The following ANO3 variants were observed in gnomAD, a reference collection of about 807,000 sequenced individuals.
The protein encoded by ANO3 is anoctamin 3.
In ANO3, 99 loss-of-function variants were observed where a neutral mutation model predicts 144.8. The observed-to-expected ratio is 0.68, with a 90% CI of 0.58 to 0.81. The LOEUF (loss-of-function observed/expected upper bound fraction) is 0.81. Ranked by LOEUF, ANO3 falls within the 30% of genes least tolerant of loss-of-function variation. ANO3 has a pLI of 0.00. For synonymous variants in ANO3, 414 were observed against 392.6 expected (o/e 1.05, Z -0.64); for missense variants, 905 against 1,202.2 (o/e 0.75, Z 3.66).
At chr11:26,305,168 A>AG (rs1171384432), upstream of ANO3, among the ~76,000 whole-genome samples, 1 of 152,116 alleles carries the variant, frequency 6.6e-6, no homozygotes, top group Non-Finnish European at 1.5e-5. Flanking sequence ...AAAAAAAAAA[A>AG]AAAAGTAATA....
At chr11:26,408,041 T>C (rs1857334133) in intron 1 of ANO3, among the ~76,000 whole-genome samples, 1 of 152,036 alleles carries the variant, frequency 6.6e-6, no homozygotes, top group South Asian at 2.1e-4. Flanking sequence ...ACCTAGGCAG[T>C]ACCATTCAGG....
chr11:26,602,143 T>A (rs1851815235), intron 17 of ANO3, among the ~76,000 whole-genome samples: 2 of 152,176 alleles, frequency 1.3e-5, no homozygotes, highest in African/African-American at 4.8e-5. Context: ...AGGAGATTGT[T>A]GTTTGAAGAA....
intron 1 of ANO3, among the ~76,000 whole-genome samples, chr11:26,428,197 G>A (rs1857975392): frequency 6.6e-6 from 1 of 152,164 alleles, no homozygotes; most frequent in South Asian, 2.1e-4. Context: ...ATTCATAACT[G>A]GAGGCCCTGA....
intron 18 of ANO3, among the ~76,000 whole-genome samples, chr11:26,629,507 G>A (rs1852702430): frequency 6.6e-6 from 1 of 152,078 alleles, no homozygotes. Context: ...ACAAAGTTTG[G>A]CATGCGTTCA....
At chr11:26,407,078 A>G (rs61877744) in intron 1 of ANO3, among the ~76,000 whole-genome samples, 6,754 of 110,238 alleles carry the variant, frequency 0.061, 494 homozygotes, top group African/African-American at 0.21. Context: ...GTGTGTGTGT[A>G]TATATATATA....
intron 1 of ANO3, among the ~76,000 whole-genome samples, chr11:26,260,930 T>A (rs1446514474): frequency 1.3e-5 from 2 of 152,170 alleles, no homozygotes; most frequent in African/African-American, 4.8e-5. Context: ...AGAAACTTAC[T>A]GAGGCACACG....
chr11:26,199,962 G>C (rs182438226), intron 1 of ANO3, among the ~76,000 whole-genome samples: 1 of 152,288 alleles, frequency 6.6e-6, no homozygotes, highest in Admixed American at 6.5e-5. Flanking sequence ...ATTTAGAAGG[G>C]AGCCTAAGTT....
In ANO3 at chr11:26,443,823, C is replaced by T. The variant is rs373465060; in HGVS notation, c.300C>T (p.Ser100=). The T allele has an allele frequency of 6.2e-6, 10 of 1,611,246 alleles. No homozygotes were observed. Among genetic ancestry groups the T allele is most frequent in the South Asian group, 4.4e-5 (4 of 90,590 alleles). Residue 100 remains serine, a synonymous_variant, in exon 3 of 27, where the codon AGC becomes AGT. Coordinates refer to ENST00000256737, the MANE Select transcript of ANO3 (RefSeq NM_031418.4). ...TGAGATGTTCATTTGCTGACCTCAG[C>T]GATTTTTGTTTGGGTAAGTTGATAA... ...SVLRCSFADL[S]DFCLALGKDK...
At chr11:26,658,624 A>G (rs1427253942) in intron 26 of ANO3, among the ~76,000 whole-genome samples, 2 of 152,090 alleles carry the variant, frequency 1.3e-5, no homozygotes, top group Non-Finnish European at 2.9e-5. Context: ...AAAAAGCTAT[A>G]CTGAATTATT....
intron 3 of ANO3, among the ~76,000 whole-genome samples, chr11:26,446,576 C>G (rs1348125480): frequency 1.3e-5 from 2 of 152,116 alleles, no homozygotes; most frequent in African/African-American, 4.8e-5. Context: ...ACTAAGGCTC[C>G]CTAACAGGAT....
chr11:26,425,801 A>G (rs1170996026), intron 1 of ANO3, among the ~76,000 whole-genome samples: 3 of 152,090 alleles, frequency 2.0e-5, no homozygotes, highest in East Asian at 3.8e-4. Flanking sequence ...TTTATCCACA[A>G]TTGCTATGGT....
intron 13 of ANO3, chr11:26,559,140 TA>T (rs1423250775): frequency 6.6e-6 from 1 of 152,188 alleles, no homozygotes; most frequent in Non-Finnish European, 1.5e-5. Context: ...GATATCTGAT[TA>T]AAAAACACTT....
chr11:26,536,306 T>A (rs402093), intron 9 of ANO3, among the ~76,000 whole-genome samples: 105,751 of 149,574 alleles, frequency 0.71, 37,703 homozygotes, highest in East Asian at 0.84. Flanking sequence ...GTGGCAGAGT[T>A]AGACTCTGTC....
intron 3 of ANO3, among the ~76,000 whole-genome samples, chr11:26,452,513 G>A (rs1444112164): frequency 1.3e-5 from 2 of 152,156 alleles, no homozygotes; most frequent in Admixed American, 6.5e-5. Context: ...AATGAAGCGA[G>A]AAGGGAAGTT....
intron 4 of ANO3, among the ~76,000 whole-genome samples, chr11:26,505,237 A>T (rs1476089097): frequency 3.9e-5 from 6 of 152,146 alleles, no homozygotes; most frequent in Non-Finnish European, 7.3e-5. Flanking sequence ...TAGAAAAAAA[A>T]AGACGATTCA....
rs538146579 is a variant in ANO3 at position 26,553,466 on chromosome 11, G to T, written c.1386+121G>T. The T allele has an allele frequency of 2.0e-5, 11 of 558,464 alleles. No individual in the cohort carries two copies. In the African/African-American group the frequency reaches 2.1e-4, roughly 11 times the overall value. The allele number at this position is 558,464 out of a possible 1,614,324, so 34.6% of individuals were successfully genotyped here. A position where few individuals can be genotyped will look rare whatever the true frequency, so the allele number is the denominator to read the frequency against. Reference sequence around the variant, plus strand: ...TTCTCAAGAGTTTCAACCTTAATAAGTGCCATTGACAACTGAATAAAATGT... The same window carrying T: ...TTCTCAAGAGTTTCAACCTTAATAATTGCCATTGACAACTGAATAAAATGT... On this transcript the variant is annotated intron_variant, in intron 13 of 26. Coordinates refer to ENST00000256737, the MANE Select transcript of ANO3 (RefSeq NM_031418.4).
At chr11:26,414,444 C>T (rs185643403) in intron 1 of ANO3, among the ~76,000 whole-genome samples, 9 of 152,026 alleles carry the variant, frequency 5.9e-5, no homozygotes, top group South Asian at 2.1e-4. Context: ...TTTGCAGGGA[C>T]GCAGATGAAG....
intron 24 of ANO3, among the ~76,000 whole-genome samples, chr11:26,649,082 C>CT (rs1162549120): frequency 2.0e-5 from 3 of 152,048 alleles, no homozygotes; most frequent in East Asian, 3.9e-4. Flanking sequence ...GTAACTTTGC[C>CT]TTTTTTTAAA....
chr11:26,488,308 TGCATA>T (rs1430072347), intron 4 of ANO3, among the ~76,000 whole-genome samples: 92 of 152,182 alleles, frequency 6.0e-4, no homozygotes, highest in Non-Finnish European at 1.1e-3. Context: ...CTGCAGAAAT[TGCATA>T]AGTAGCAAGG....
Sources: allele counts gnomAD v4.1 joint callset (sites outside exome capture counted in the v4.1 genomes callset), GRCh38; gene constraint gnomAD v4.1.1; transcripts MANE v1.5; gene names NCBI Gene and HGNC (gene_info 2026-07-23, HGNC 2026-07-21).